PCDHA7: variants seen among roughly 807,000 people sequenced by gnomAD.
PCDHA7 encodes the protein protocadherin alpha-7.
A neutral mutation model predicts 57.2 loss-of-function variants in PCDHA7; 37 were observed. The observed-to-expected ratio is 0.65, with a 90% CI of 0.50 to 0.85. PCDHA7 has a LOEUF of 0.85. Ranked by LOEUF, PCDHA7 falls within the 40% of genes least tolerant of loss-of-function variation. The pLI, the probability that PCDHA7 is intolerant of heterozygous loss-of-function variation, is 0.00. For synonymous variants in PCDHA7, 553 were observed against 558.8 expected (o/e 0.99, Z 0.15); for missense variants, 1,188 against 1,241.8 (o/e 0.96, Z 0.65).
At chr5:140,895,525 T>G (rs1172545825) in intron 1 of PCDHA7, among the ~76,000 whole-genome samples, 1 of 152,196 alleles carries the variant, frequency 6.6e-6, no homozygotes, top group Non-Finnish European at 1.5e-5. Context: ...GGTTTATTCG[T>G]TTTTCAATTG....
At chr5:140,852,737 C>A in intron 1 of PCDHA7, 1 of 983,808 alleles carries the variant, frequency 1.0e-6, no homozygotes, top group Non-Finnish European at 1.2e-6. Context: ...GTTTCATGTG[C>A]CATTTAAACT....
chr5:140,869,043 A>G, intron 1 of PCDHA7: 2 of 1,530,132 alleles, frequency 1.3e-6, no homozygotes, highest in Non-Finnish European at 1.8e-6. Flanking sequence ...TTAACCTGAA[A>G]CTGAAGAATC....
chr5:140,926,780 G>A, intron 1 of PCDHA7: 2 of 1,397,714 alleles, frequency 1.4e-6, no homozygotes, highest in Non-Finnish European at 1.9e-6. Context: ...CAGCAGTGAC[G>A]GCCGGCAGGA....
chr5:140,877,698 C>T, intron 1 of PCDHA7: 2 of 1,613,958 alleles, frequency 1.2e-6, no homozygotes, highest in Non-Finnish European at 1.7e-6. Context: ...TGGTGTGCTC[C>T]AGCGCCGTGG....
chr5:140,927,482 C>G, intron 1 of PCDHA7: 1 of 1,614,086 alleles, frequency 6.2e-7, no homozygotes, highest in Non-Finnish European at 8.5e-7. Flanking sequence ...GAACAGCGCG[C>G]CACCCACCTG....
At chr5:140,962,224 A>C (rs2095665980) in intron 1 of PCDHA7, among the ~76,000 whole-genome samples, 1 of 152,152 alleles carries the variant, frequency 6.6e-6, no homozygotes. Flanking sequence ...TTGAGGTTCA[A>C]GTTTCACTTA....
intron 1 of PCDHA7, among the ~76,000 whole-genome samples, chr5:140,890,293 A>G (rs1423277316): frequency 6.6e-6 from 1 of 152,196 alleles, no homozygotes; most frequent in African/African-American, 2.4e-5. Flanking sequence ...AGTCAGAACC[A>G]GGAGAGGTAA....
rs375103611 is a variant in PCDHA7 at position 140,888,367 on chromosome 5, A to G, written c.2355+51629A>G. ...AGGGAATTGCTACTGGCATCTAATAATGGAGCTCTGAGATGCTGCTAAACA... is the reference window on the plus strand; with the variant it reads ...AGGGAATTGCTACTGGCATCTAATAGTGGAGCTCTGAGATGCTGCTAAACA... On this transcript the variant is annotated intron_variant, in intron 1 of 3. Coordinates refer to ENST00000525929, the MANE Select transcript of PCDHA7 (RefSeq NM_018910.3). 3.2e-4 allele frequency among the ~76,000 whole-genome samples: 49 copies of G among 152,322 alleles called. 1 individual carries two copies. In the East Asian group the frequency reaches 7.7e-3, roughly 24 times the overall value.
chr5:140,882,081 T>G, intron 1 of PCDHA7: 1 of 985,220 alleles, frequency 1.0e-6, no homozygotes, highest in Non-Finnish European at 1.5e-6. Context: ...ATGGTGTCGC[T>G]CTTCACTGAG....
intron 1 of PCDHA7, chr5:140,858,116 G>T: frequency 1.3e-6 from 2 of 1,597,882 alleles, no homozygotes; most frequent in Non-Finnish European, 1.7e-6. Context: ...GCCCGAGGTG[G>T]CCCTGGTGGA....
chr5:140,869,838 A>G, intron 1 of PCDHA7: 6 of 1,611,734 alleles, frequency 3.7e-6, no homozygotes, highest in Non-Finnish European at 5.1e-6. Context: ...TTGATAAATC[A>G]GAATATAAGG....
At position 140,867,338 on chromosome 5, in the gene PCDHA7, A is replaced by C. The variant is rs535853406; in HGVS notation, c.2355+30600A>C. The stretch of plus-strand genomic sequence containing the variant: ...TGGTCTAATGTTATGTTTTGATTAG[A>C]GGCTACTATGATTGATTATTTTACA... On this transcript the variant is annotated intron_variant, in intron 1 of 3. Transcript: ENST00000525929. 3.3e-5 allele frequency: 5 copies of C among 152,270 alleles called. No individual in the cohort carries two copies. In the East Asian group the frequency reaches 5.8e-4, roughly 18 times the overall value. The allele number at this position is 152,270 out of a possible 1,614,324, so 9.4% of individuals were successfully genotyped here.
chr5:140,853,424 G>C lies in PCDHA7; in HGVS notation c.2355+16686G>C, dbSNP rs112620213. On this transcript the variant is annotated intron_variant, in intron 1 of 3. Transcript: ENST00000525929. ...AAAACAGAGAGGTGAAAGCAGAAGA[G>C]ACACTTTCCTATTTTGCCTAATAGG... 9 of 986,044 alleles carry C rather than the reference G, an allele frequency of 9.1e-6. 1 individual carries two copies. In the African/African-American group the frequency reaches 1.4e-4, roughly 15 times the overall value. 61.1% of individuals were successfully genotyped at this position (986,044 alleles called of 1,614,324 possible).
rs2150247809 is a variant in PCDHA7, at chr5:140,835,898, G to A, written c.1515G>A (p.Ser505=). ...TGCGGGTGGGCGAGCGCGCGCTGTC[G>A]AGCTACGTGTCAGTGCACGCGGAGA... ...VELRVGERAL[S]SYVSVHAESG... is the part of the protein sequence containing the mutation. The change falls in exon 1 of 4, where the codon TCG becomes TCA. Residue 505 remains serine (S), a synonymous_variant. Transcript: ENST00000525929. 6.2e-7 allele frequency: 1 copy of A among 1,611,962 alleles called. No homozygotes were observed. Among genetic ancestry groups the A allele is most frequent in the African/African-American group, 1.3e-5 (1 of 74,880 alleles).
intron 1 of PCDHA7, among the ~76,000 whole-genome samples, chr5:140,972,821 G>A (rs372160406): frequency 3.3e-5 from 5 of 152,010 alleles, no homozygotes; most frequent in East Asian, 3.9e-4. Flanking sequence ...GCGCCACCAC[G>A]CCTGGCTAAT....
intron 1 of PCDHA7, chr5:140,852,101 T>C (rs1297369324): frequency 1.1e-6 from 1 of 909,228 alleles, no homozygotes; most frequent in Non-Finnish European, 1.3e-6. Context: ...TGTCAGATAT[T>C]TTACAAGGTA....
At chr5:140,991,183 A>G (rs3776108) in intron 3 of PCDHA7, among the ~76,000 whole-genome samples, 7,613 of 152,310 alleles carry the variant, frequency 0.05, 238 homozygotes, top group South Asian at 0.11. Flanking sequence ...CAGGATGCCT[A>G]GCACACAATG....
chr5:140,843,262 G>C (rs2150356218), intron 1 of PCDHA7: 1 of 1,596,090 alleles, frequency 6.3e-7, no homozygotes, highest in South Asian at 1.1e-5. Context: ...GCCACCGTCT[G>C]CTGGTCCTGG....
chr5:140,954,824 C>T (rs1167171102), intron 1 of PCDHA7, among the ~76,000 whole-genome samples: 2 of 152,068 alleles, frequency 1.3e-5, no homozygotes, highest in Non-Finnish European at 2.9e-5. Flanking sequence ...GCTTTAGGCA[C>T]TTTTGTCATG....
Sources: gnomAD v4.1 joint callset for allele counts (sites outside exome capture counted in the v4.1 genomes callset) on GRCh38, gnomAD v4.1.1 for gene constraint, MANE v1.5 for transcripts, NCBI Gene and HGNC (gene_info 2026-07-23, HGNC 2026-07-21) for gene names.